CRX: variants seen among roughly 807,000 people sequenced by gnomAD.
The protein encoded by CRX is cone-rod homeobox, also known as cone-rod homeobox protein.
CRX carries 5 observed loss-of-function variants against 13.1 expected under a neutral mutation model. That is an observed-to-expected ratio of 0.38 (90% confidence interval 0.20 to 0.80). CRX has a LOEUF of 0.80. Ranked by LOEUF, CRX falls within the 30% of genes least tolerant of loss-of-function variation. The pLI is 0.43. For missense variants in CRX, 351 were observed against 391.8 expected, an observed-to-expected ratio of 0.90 and a Z score of 0.88; for synonymous variants, 179 against 171.1, an observed-to-expected ratio of 1.05 and a Z score of -0.36.
At chr19:47,835,626 T>TG (rs1334958616) in intron 2 of CRX, among the ~76,000 whole-genome samples, 1 of 146,962 alleles carries the variant, frequency 6.8e-6, no homozygotes, top group Non-Finnish European at 1.5e-5. Flanking sequence ...TCTTGTTTTT[T>TG]TTTTTTTTTT....
chr19:47,842,104 G>A lies in CRX; in HGVS notation c.*2137G>A, dbSNP rs181823708. The A allele has an allele frequency of 3.3e-3, 502 of 152,838 alleles. 2 individuals carry two copies. The highest frequency in any genetic ancestry group is 3.4e-3 in the Non-Finnish European group (233 of 68,392). 9.5% of individuals were successfully genotyped at this position (152,838 alleles called of 1,614,324 possible). On this transcript the variant is annotated 3_prime_UTR_variant, in exon 4 of 4. Coordinates refer to ENST00000221996, the MANE Select transcript of CRX (RefSeq NM_000554.6). ...CAGCAGCCAGGGTCAGGAGAAAGGCGAGATGTGAAGAGAGGCCGGGAGGTA... is the reference window on the plus strand; with the variant it reads ...CAGCAGCCAGGGTCAGGAGAAAGGCAAGATGTGAAGAGAGGCCGGGAGGTA...
At position 47,840,046 on chromosome 19, in the gene CRX, CG is replaced by C; in HGVS notation, c.*82del. The C allele has an allele frequency of 6.4e-7, 1 of 1,562,200 alleles. No homozygotes were observed. The highest frequency in any genetic ancestry group is 8.7e-7 in the Non-Finnish European group (1 of 1,148,248). On this transcript the variant is annotated 3_prime_UTR_variant, in exon 4 of 4. Transcript: ENST00000221996. ...ATCTGCTTCCCTGCAGTTTAGATCC[CG>C]GGATGGCATTCCTGAGAAAGCAACC...
chr19:47,834,152 A>G (rs896530404), intron 1 of CRX, among the ~76,000 whole-genome samples: 6 of 152,240 alleles, frequency 3.9e-5, no homozygotes, highest in South Asian at 4.1e-4. Flanking sequence ...TTTAGAGGGT[A>G]GAGTAGGAAT....
Position 47,842,096 on chromosome 19 carries a change from A to G in CRX, c.*2129A>G, listed in dbSNP as rs1011815272. The G allele has an allele frequency of 4.6e-5, 7 of 152,612 alleles. No individual in the cohort carries two copies. The highest frequency in any genetic ancestry group is 1.7e-4 in the African/African-American group (7 of 41,450). 9.5% of individuals were successfully genotyped at this position (152,612 alleles called of 1,614,324 possible). A position where few individuals can be genotyped will look rare whatever the true frequency, so the allele number is the denominator to read the frequency against. On this transcript the variant is annotated 3_prime_UTR_variant, in exon 4 of 4. Transcript: ENST00000221996. ...ACCGTCAGCAGCAGCCAGGGTCAGG[A>G]GAAAGGCGAGATGTGAAGAGAGGCC...
At position 47,839,445 on chromosome 19, in the gene CRX, A is replaced by C. The variant is rs1311901864; in HGVS notation, c.378A>C (p.Arg126Ser). The change falls in exon 4 of 4, where the codon AGA (arginine) becomes AGC (serine). Residue 126 changes from arginine (R) to serine (S), a missense_variant. By Grantham distance (110) the Arg-to-Ser change is moderately radical. Transcript: ENST00000221996. The surrounding 1 kb of genome is among the most constrained non-coding windows in gnomAD (Gnocchi z 4.6). ...AGAGGAAGGCGGGCACGTCCCCAAG[A>C]CCCTCCACAGATGTGTGTCCAGACC... ...PAKRKAGTSP[R>S]PSTDVCPDPL... The C allele has an allele frequency of 8.1e-6, 13 of 1,613,296 alleles. No homozygotes were observed. The highest frequency in any genetic ancestry group is 1.0e-5 in the Non-Finnish European group (12 of 1,179,782).
intron 3 of CRX, among the ~76,000 whole-genome samples, chr19:47,838,905 G>C (rs1968154030): frequency 6.6e-6 from 1 of 151,890 alleles, no homozygotes; most frequent in Non-Finnish European, 1.5e-5. Flanking sequence ...GTAAATGTAT[G>C]CATGATATAT....
At position 47,839,198 on chromosome 19, in the gene CRX, C is replaced by G. The variant is rs774082299; in HGVS notation, c.253-122C>G. 214 of 1,077,776 alleles carry G rather than the reference C, an allele frequency of 2.0e-4. No homozygotes were observed. The highest frequency in any genetic ancestry group is 2.6e-4 in the Non-Finnish European group (195 of 746,744). 66.8% of individuals were successfully genotyped at this position (1,077,776 alleles called of 1,614,324 possible). ...TGAATAGACGCCCCACAGCTGGATG[C>G]AAAGTAGACAGATGTGAACCCAGCA... On this transcript the variant is annotated intron_variant, in intron 3 of 3. Coordinates refer to ENST00000221996, the MANE Select transcript of CRX (RefSeq NM_000554.6). The surrounding 1 kb of genome is among the most constrained non-coding windows in gnomAD (Gnocchi z 4.6).
chr19:47,822,611 C>T (rs1408190991), intron 1 of CRX, among the ~76,000 whole-genome samples: 1 of 152,128 alleles, frequency 6.6e-6, no homozygotes, highest in Non-Finnish European at 1.5e-5. Flanking sequence ...TGGGCCTGCC[C>T]GAGAGAGCCA....
intron 3 of CRX, 29 bp downstream of exon 3, chr19:47,836,423 C>T (rs370529135): frequency 6.9e-5 from 111 of 1,614,058 alleles, no homozygotes; most frequent in Non-Finnish European, 8.6e-5. Flanking sequence ...GGACCCCTCC[C>T]GACACTTCCT....
At chr19:47,835,703 C>A (rs988058022) in intron 2 of CRX, among the ~76,000 whole-genome samples, 2 of 145,162 alleles carry the variant, frequency 1.4e-5, no homozygotes, top group Non-Finnish European at 3.0e-5. Context: ...CTCACTGCAA[C>A]CTCTGCCTTC....
intron 1 of CRX, among the ~76,000 whole-genome samples, chr19:47,831,724 C>T (rs1968048728): frequency 6.6e-6 from 1 of 151,956 alleles, no homozygotes; most frequent in Non-Finnish European, 1.5e-5. Flanking sequence ...TGTCTTATTG[C>T]CGAGCCTAGA....
intron 1 of CRX, among the ~76,000 whole-genome samples, chr19:47,826,383 C>G (rs1967975353): frequency 6.6e-6 from 1 of 152,140 alleles, no homozygotes; most frequent in Non-Finnish European, 1.5e-5. Context: ...GCAGGAGGAT[C>G]TGCTCAGGCC....
rs148430105 is a variant in CRX, at chr19:47,826,515, G to A, written c.-36+4505G>A. ...AGCTACTTGGGAGGCTGAGGTGGGAGGATGGCTTGAGCTCAGGAGGTCGAG... is the reference window on the plus strand; with the variant it reads ...AGCTACTTGGGAGGCTGAGGTGGGAAGATGGCTTGAGCTCAGGAGGTCGAG... On this transcript the variant is annotated intron_variant, in intron 1 of 3. Transcript: ENST00000221996. Among the ~76,000 whole-genome samples the A allele has an allele frequency of 2.2e-3, 337 of 152,298 alleles. 1 individual carries two copies. Among genetic ancestry groups the A allele is most frequent in the African/African-American group, 7.8e-3 (326 of 41,568 alleles).
intron 1 of CRX, among the ~76,000 whole-genome samples, chr19:47,828,605 G>A (rs1968004739): frequency 1.0e-5 from 1 of 96,898 alleles, no homozygotes; most frequent in Non-Finnish European, 2.1e-5. Flanking sequence ...AAGAAAAGGA[G>A]GTAGGGAGCG....
chr19:47,830,902 C>T (rs530532523), intron 1 of CRX, among the ~76,000 whole-genome samples: 1 of 152,130 alleles, frequency 6.6e-6, no homozygotes, highest in Admixed American at 6.6e-5. Flanking sequence ...TAAAGACCTA[C>T]AGGACAATAC....
rs1487871037 is a variant in CRX at position 47,841,159 on chromosome 19, A to C, written c.*1192A>C. 2 of 152,216 alleles carry C rather than the reference A, an allele frequency of 1.3e-5. No individual in the cohort carries two copies. The highest frequency in any genetic ancestry group is 2.9e-5 in the Non-Finnish European group (2 of 68,048). 9.4% of individuals were successfully genotyped at this position (152,216 alleles called of 1,614,324 possible). ...TATCTGGGAATTTCACAGACTTCAC[A>C]AATGTCAGGCTTACATGGTAGGTTT... On this transcript the variant is annotated 3_prime_UTR_variant, in exon 4 of 4. Transcript: ENST00000221996.
Position 47,836,310 on chromosome 19 carries a change from A to G in CRX, c.168A>G (p.Ala56=). 2 of 1,614,124 alleles carry G rather than the reference A, an allele frequency of 1.2e-6. No individual in the cohort carries two copies. Among genetic ancestry groups the G allele is most frequent in the Non-Finnish European group, 8.5e-7 (1 of 1,180,008 alleles). ...FTRSQLEELE[A]LFAKTQYPDV... is the part of the protein sequence containing the mutation. The stretch of plus-strand genomic sequence containing the variant: ...GGAGCCAACTGGAGGAGCTGGAGGC[A>G]CTGTTTGCCAAGACCCAGTACCCAG... Residue 56 remains alanine (A), a synonymous_variant, in exon 3 of 4, where the codon GCA becomes GCG. Coordinates refer to ENST00000221996, the MANE Select transcript of CRX (RefSeq NM_000554.6).
At chr19:47,831,836 G>C (rs1027120523) in intron 1 of CRX, among the ~76,000 whole-genome samples, 39 of 152,054 alleles carry the variant, frequency 2.6e-4, no homozygotes, top group African/African-American at 9.4e-4. Context: ...TCTGCCTCCC[G>C]GGCTCAAGCG....
At chr19:47,835,620 G>GTTTTTTTTTTTT in intron 2 of CRX, among the ~76,000 whole-genome samples, 1 of 102,212 alleles carries the variant, frequency 9.8e-6, no homozygotes, top group Non-Finnish European at 1.8e-5. Context: ...TTTAGCTCTT[G>GTTTTTTTTTTTT]TTTTTTTTTT....
Sources: allele counts gnomAD v4.1 joint callset (sites outside exome capture counted in the v4.1 genomes callset), GRCh38; gene constraint gnomAD v4.1.1; non-coding constraint Gnocchi (gnomAD v3.1); transcripts MANE v1.5; gene names NCBI Gene and HGNC (gene_info 2026-07-23, HGNC 2026-07-21).